The following STXBP5L variants were observed in gnomAD, a reference collection of about 807,000 sequenced individuals.
The protein encoded by STXBP5L is syntaxin-binding protein 5-like.
STXBP5L carries 65 observed loss-of-function variants against 144.5 expected under a neutral mutation model. That is an observed-to-expected ratio of 0.45 (90% CI 0.37 to 0.55). The LOEUF (loss-of-function observed/expected upper bound fraction) is 0.55. STXBP5L is among the 20% of genes least tolerant of loss of function. The probability of loss-of-function intolerance (pLI) is 0.00; values close to 1 mark genes in which losing one functional copy is unlikely to be tolerated. For synonymous variants in STXBP5L, 505 were observed against 469.6 expected, an observed-to-expected ratio of 1.08 and a Z score of -0.97; for missense variants, 1,298 against 1,405.5, an observed-to-expected ratio of 0.92 and a Z score of 1.22.
At chr3:121,359,615 A>T (rs2045642288) in intron 20 of STXBP5L, among the ~76,000 whole-genome samples, 1 of 151,972 alleles carries the variant, frequency 6.6e-6, no homozygotes, top group African/African-American at 2.4e-5. Flanking sequence ...TTTTGATTTG[A>T]TTTTCGTATA....
chr3:121,058,474 C>A (rs887091069), intron 5 of STXBP5L, among the ~76,000 whole-genome samples: 1 of 152,188 alleles, frequency 6.6e-6, no homozygotes, highest in Non-Finnish European at 1.5e-5. Flanking sequence ...AATTTCTAAT[C>A]CTTTGGTTAT....
chr3:121,104,782 C>T (rs2043610676), intron 5 of STXBP5L, among the ~76,000 whole-genome samples: 1 of 152,126 alleles, frequency 6.6e-6, no homozygotes, highest in Admixed American at 6.6e-5. Context: ...ACACCTGAAA[C>T]CACAAAAATC....
chr3:121,192,438 C>G (rs1031704977), intron 9 of STXBP5L, among the ~76,000 whole-genome samples: 2 of 152,144 alleles, frequency 1.3e-5, no homozygotes, highest in African/African-American at 4.8e-5. Flanking sequence ...ATCAAGCTAT[C>G]AATGACTTTC....
At chr3:121,076,933 G>T (rs1242816532) in intron 5 of STXBP5L, among the ~76,000 whole-genome samples, 1 of 152,082 alleles carries the variant, frequency 6.6e-6, no homozygotes, top group Non-Finnish European at 1.5e-5. Context: ...TCCTGTCACA[G>T]CTAGCTGCAG....
chr3:121,344,046 CAG>C, intron 20 of STXBP5L, among the ~76,000 whole-genome samples: 1 of 151,984 alleles, frequency 6.6e-6, no homozygotes, highest in Non-Finnish European at 1.5e-5. Flanking sequence ...GGTACCAAAA[CAG>C]AGATATAGAT....
intron 3 of STXBP5L, among the ~76,000 whole-genome samples, chr3:121,020,405 T>C (rs1945462116): frequency 6.6e-6 from 1 of 152,030 alleles, no homozygotes; most frequent in Admixed American, 6.6e-5. Flanking sequence ...TACGAGAAGC[T>C]CAAAGAACAC....
chr3:120,925,391 A>T (rs1709568782), intron 2 of STXBP5L, among the ~76,000 whole-genome samples: 1 of 150,834 alleles, frequency 6.6e-6, no homozygotes, highest in Non-Finnish European at 1.5e-5. Context: ...TGCTGAATTG[A>T]CTCCTTTATT....
chr3:121,280,991 A>C (rs1217535015), intron 19 of STXBP5L, among the ~76,000 whole-genome samples: 2 of 151,318 alleles, frequency 1.3e-5, no homozygotes, highest in African/African-American at 4.8e-5. Context: ...ATTTAAAATA[A>C]TTTATTGAAT....
intron 22 of STXBP5L, among the ~76,000 whole-genome samples, chr3:121,404,262 C>T (rs2046947531): frequency 1.3e-5 from 2 of 152,034 alleles, no homozygotes; most frequent in Non-Finnish European, 2.9e-5. Flanking sequence ...ACCCTAAATC[C>T]AATTTGTTAA....
intron 5 of STXBP5L, among the ~76,000 whole-genome samples, chr3:121,100,737 A>C (rs1352435677): frequency 6.6e-6 from 1 of 152,084 alleles, no homozygotes; most frequent in Non-Finnish European, 1.5e-5. Context: ...AAAAGAAAGA[A>C]CTAAAATCAG....
intron 3 of STXBP5L, among the ~76,000 whole-genome samples, chr3:121,011,421 C>A (rs1419468319): frequency 6.6e-6 from 1 of 151,592 alleles, no homozygotes; most frequent in East Asian, 1.9e-4. Context: ...CCAATTTGAG[C>A]ATTCTGAGAT....
intron 5 of STXBP5L, among the ~76,000 whole-genome samples, chr3:121,109,201 C>CT (rs1454323046): frequency 6.6e-6 from 1 of 151,910 alleles, no homozygotes; most frequent in African/African-American, 2.4e-5. Flanking sequence ...GATTTGTTGA[C>CT]TTTTTTGAAG....
intron 10 of STXBP5L, among the ~76,000 whole-genome samples, chr3:121,221,143 C>A (rs1284765221): frequency 6.6e-6 from 1 of 151,820 alleles, no homozygotes; most frequent in Non-Finnish European, 1.5e-5. Context: ...GTACAGTTAA[C>A]CATGAGTGGT....
intron 18 of STXBP5L, among the ~76,000 whole-genome samples, chr3:121,268,861 G>A (rs1364189641): frequency 6.6e-6 from 1 of 152,018 alleles, no homozygotes; most frequent in Admixed American, 6.6e-5. Context: ...TTTCCAAAAG[G>A]CTTTAGCTGT....
Position 121,056,462 on chromosome 3 carries a change from A to G in STXBP5L, c.470+10927A>G, listed in dbSNP as rs563180916. Among the ~76,000 whole-genome samples, 8 of 152,294 alleles carry G rather than the reference A, an allele frequency of 5.3e-5. No homozygotes were observed. The South Asian group carries it at 1.7e-3, about 32-fold the overall frequency. ...TTCTGAAAACTATTAACTAAACTGGAAGGAAGCAATATTTTGTTGAAAACT... is the reference window on the plus strand; with the variant it reads ...TTCTGAAAACTATTAACTAAACTGGGAGGAAGCAATATTTTGTTGAAAACT... On this transcript the variant is annotated intron_variant, in intron 5 of 26. Transcript: ENST00000471454.
intron 3 of STXBP5L, among the ~76,000 whole-genome samples, chr3:121,035,220 C>A (rs1049660162): frequency 1.3e-5 from 2 of 151,996 alleles, no homozygotes; most frequent in African/African-American, 4.8e-5. Flanking sequence ...TTTAATTAAG[C>A]CCCACTTGCC....
At chr3:121,089,092 TAAA>T (rs375977537) in intron 5 of STXBP5L, among the ~76,000 whole-genome samples, 3,908 of 56,174 alleles carry the variant, frequency 0.07, 19 homozygotes, top group African/African-American at 0.13. Context: ...TAGAGTATAA[TAAA>T]AAAAAAAAAA....
At chr3:121,186,543 T>A (rs896777473) in intron 9 of STXBP5L, among the ~76,000 whole-genome samples, 2 of 152,192 alleles carry the variant, frequency 1.3e-5, no homozygotes, top group Non-Finnish European at 2.9e-5. Context: ...CTGCATCTAT[T>A]GAGATAATCC....
intron 3 of STXBP5L, among the ~76,000 whole-genome samples, chr3:121,010,807 G>A (rs1944718218): frequency 6.6e-6 from 1 of 151,794 alleles, no homozygotes; most frequent in Non-Finnish European, 1.5e-5. Context: ...TCATTTAGTG[G>A]AAGTAGATTG....
Sources: gnomAD v4.1 joint callset for allele counts (sites outside exome capture counted in the v4.1 genomes callset) on GRCh38, gnomAD v4.1.1 for gene constraint, MANE v1.5 for transcripts, NCBI Gene and HGNC (gene_info 2026-07-23, HGNC 2026-07-21) for gene names.